RBFOX1: variants seen among roughly 807,000 people sequenced by gnomAD.
RBFOX1 encodes RNA binding protein fox-1 homolog 1.
RBFOX1 carries 8 observed loss-of-function variants against 57.7 expected under a neutral mutation model. The observed-to-expected ratio is 0.14, with a 90% CI of 0.08 to 0.25. The LOEUF (loss-of-function observed/expected upper bound fraction) is 0.25. RBFOX1 is among the 10% of genes least tolerant of loss of function. RBFOX1 has a pLI of 1.00. For missense variants in RBFOX1, 611 were observed against 548.5 expected, an observed-to-expected ratio of 1.11 and a Z score of -1.14; for synonymous variants, 326 against 222.4, an observed-to-expected ratio of 1.47 and a Z score of -4.15.
chr16:5,590,073 AC>A (rs1215692647), intron 2 of RBFOX1, among the ~76,000 whole-genome samples: 17 of 97,592 alleles, frequency 1.7e-4, no homozygotes, highest in Admixed American at 4.3e-4. Context: ...ACACACACAC[AC>A]ACAAAAAGGG....
intron 1 of RBFOX1, among the ~76,000 whole-genome samples, chr16:5,328,764 G>C (rs762941846): frequency 3.3e-5 from 5 of 152,174 alleles, no homozygotes; most frequent in African/African-American, 4.8e-5. Context: ...GTGGCCATCC[G>C]ATTCAAGCTC....
At chr16:7,144,236 G>A (rs1275126449) in intron 4 of RBFOX1, among the ~76,000 whole-genome samples, 1 of 152,012 alleles carries the variant, frequency 6.6e-6, no homozygotes, top group Admixed American at 6.6e-5. Context: ...AGGGGTCTTG[G>A]AATTATTTGA....
At chr16:6,003,115 T>C (rs1276653087) in intron 4 of RBFOX1, among the ~76,000 whole-genome samples, 1 of 151,696 alleles carries the variant, frequency 6.6e-6, no homozygotes, top group Non-Finnish European at 1.5e-5. Flanking sequence ...CCGTCTCTAC[T>C]AAAAATACAA....
rs1244021560 is a variant in RBFOX1, at chr16:6,450,849, A to G, written c.-64+133792A>G. 1.2e-4 allele frequency among the ~76,000 whole-genome samples: 8 copies of G among 65,286 alleles called. 1 individual carries two copies. The highest frequency in any genetic ancestry group is 1.8e-4 in the Admixed American group (1 of 5,478). The allele number at this position is 65,286 out of a possible 152,430, so 42.8% of individuals were successfully genotyped here. A position where few individuals can be genotyped will look rare whatever the true frequency, so the allele number is the denominator to read the frequency against. On this transcript the variant is annotated intron_variant, in intron 2 of 15. Coordinates refer to ENST00000550418, the MANE Select transcript of RBFOX1 (RefSeq NM_018723.4). ...TATATATATATATGTGTATATATAT[A>G]TATATATATATATATATATATATAT...
intron 3 of RBFOX1, among the ~76,000 whole-genome samples, chr16:6,806,470 G>C (rs1385460466): frequency 6.6e-6 from 1 of 151,992 alleles, no homozygotes; most frequent in African/African-American, 2.4e-5. Flanking sequence ...AATAATTTCA[G>C]AAAGTATCTT....
chr16:6,599,429 G>C (rs28693436), intron 2 of RBFOX1, among the ~76,000 whole-genome samples: 1 of 152,006 alleles, frequency 6.6e-6, no homozygotes, highest in Admixed American at 6.6e-5. Context: ...ATCTATCTCA[G>C]AATACTTTGC....
intron 2 of RBFOX1, among the ~76,000 whole-genome samples, chr16:6,532,926 C>T (rs2096680016): frequency 6.6e-6 from 1 of 152,178 alleles, no homozygotes; most frequent in Non-Finnish European, 1.5e-5. Context: ...ACTCTCCTCT[C>T]ACTTTCTACC....
chr16:7,325,453 G>T (rs1812018548), intron 4 of RBFOX1, among the ~76,000 whole-genome samples: 1 of 152,186 alleles, frequency 6.6e-6, no homozygotes, highest in African/African-American at 2.4e-5. Flanking sequence ...AAGTTGCCAG[G>T]AGGTGAGAGA....
chr16:7,405,085 G>A (rs748219263), intron 4 of RBFOX1, among the ~76,000 whole-genome samples: 26 of 152,354 alleles, frequency 1.7e-4, no homozygotes, highest in Non-Finnish European at 2.9e-4. Context: ...ATGCTTGCCA[G>A]GTTGCAGGGT....
intron 4 of RBFOX1, among the ~76,000 whole-genome samples, chr16:7,181,626 G>C (rs553271189): frequency 1.3e-5 from 2 of 151,830 alleles, no homozygotes; most frequent in East Asian, 3.9e-4. Flanking sequence ...GCAGTGGTGC[G>C]ATCTTGGCTC....
chr16:6,598,087 A>G (rs891286948), intron 2 of RBFOX1, among the ~76,000 whole-genome samples: 1 of 152,218 alleles, frequency 6.6e-6, no homozygotes, highest in African/African-American at 2.4e-5. Flanking sequence ...TACTTGTGGC[A>G]GAAGGCATCC....
chr16:6,703,395 G>A (rs1197850987), intron 3 of RBFOX1, among the ~76,000 whole-genome samples: 1 of 151,960 alleles, frequency 6.6e-6, no homozygotes, highest in Non-Finnish European at 1.5e-5. Flanking sequence ...GCAACATAGT[G>A]AGACCCCATC....
intron 3 of RBFOX1, among the ~76,000 whole-genome samples, chr16:6,945,600 G>A (rs898148696): frequency 6.6e-6 from 1 of 151,878 alleles, no homozygotes; most frequent in Non-Finnish European, 1.5e-5. Flanking sequence ...ATCAGAATCC[G>A]CTGGTGCTGG....
At chr16:5,726,138 C>T (rs931586856) in intron 3 of RBFOX1, among the ~76,000 whole-genome samples, 6 of 151,798 alleles carry the variant, frequency 4.0e-5, no homozygotes, top group African/African-American at 1.5e-4. Flanking sequence ...GATTTAAACT[C>T]CTTTCGTCCC....
chr16:7,195,741 C>T lies in RBFOX1; in HGVS notation c.27+143643C>T, dbSNP rs1395583582. On this transcript the variant is annotated intron_variant, in intron 4 of 15. Transcript: ENST00000550418. ...CTAATTTTTGTATTTTTAGTAGAAACGGGATTTCACCGTGTTGGCCAGACT... is the reference window on the plus strand; with the variant it reads ...CTAATTTTTGTATTTTTAGTAGAAATGGGATTTCACCGTGTTGGCCAGACT... 3.9e-5 allele frequency among the ~76,000 whole-genome samples: 6 copies of T among 152,090 alleles called. 1 individual carries two copies. Among genetic ancestry groups the T allele is most frequent in the African/African-American group, 7.2e-5 (3 of 41,512 alleles).
intron 3 of RBFOX1, among the ~76,000 whole-genome samples, chr16:6,895,392 C>G (rs1176881006): frequency 2.9e-5 from 4 of 138,698 alleles, no homozygotes; most frequent in African/African-American, 8.1e-5. Context: ...TCTTCGTCTG[C>G]CTCAGCCACT....
At chr16:7,708,795 G>A (rs1370243056) in intron 14 of RBFOX1, among the ~76,000 whole-genome samples, 1 of 148,620 alleles carries the variant, frequency 6.7e-6, no homozygotes, top group Non-Finnish European at 1.5e-5. Context: ...ATTATGGGGG[G>A]AGGCAGGGAA....
chr16:6,350,444 GAAAAAAAAAAAAAAAAAAAAAAA>G (rs569363563), intron 2 of RBFOX1, among the ~76,000 whole-genome samples: 24,228 of 75,114 alleles, frequency 0.32, 3,476 homozygotes, highest in Middle Eastern at 0.47. Flanking sequence ...TCTGTCTCAA[GAAAAAAAAAAAAAAAAAAAAAAA>G]AAAAAAAAAA....
chr16:7,561,596 GAATGATAT>G (rs1410328401), intron 5 of RBFOX1, among the ~76,000 whole-genome samples: 2 of 152,144 alleles, frequency 1.3e-5, no homozygotes, highest in African/African-American at 4.8e-5. Context: ...TGTTCACAAA[GAATGATAT>G]CTCCATGTCT....
Sources: gnomAD v4.1 joint callset for allele counts (sites outside exome capture counted in the v4.1 genomes callset) on GRCh38, gnomAD v4.1.1 for gene constraint, MANE v1.5 for transcripts, NCBI Gene and HGNC (gene_info 2026-07-23, HGNC 2026-07-21) for gene names.